Variants in PTPRO observed in about 807,000 individuals in gnomAD.
The protein encoded by PTPRO is receptor-type tyrosine-protein phosphatase O.
PTPRO carries 62 observed loss-of-function variants against 145.2 expected under a neutral mutation model. The ratio of observed to expected loss-of-function variants is 0.43; its 90% CI spans 0.35 to 0.53. The LOEUF is 0.53. Ranked by LOEUF, PTPRO falls within the 20% of genes least tolerant of loss-of-function variation. The pLI is 0.01. For missense variants in PTPRO, 1,345 were observed against 1,482.7 expected (o/e 0.91, Z 1.53); for synonymous variants, 565 against 514.7 (o/e 1.10, Z -1.32).
In PTPRO at chr12:15,502,022, C is replaced by T. The variant is rs1365918730; in HGVS notation, c.1064C>T (p.Pro355Leu). ...MILTWLPPKP[P>L]TAFDGFHIHI... ...TTGACCTGGTTACCACCCAAACCAC[C>T]CACTGCTTTTGATGGGTTCCATATC... Residue 355 changes from proline (P) to leucine (L), a missense_variant, in exon 5 of 27, where the codon CCC (proline) becomes CTC (leucine). By Grantham distance (98) the Pro-to-Leu change is moderately conservative. Around this residue, in one of 3 missense-constraint regions of PTPRO, gnomAD observed 1,130 missense variants for 1,214.7 expected, o/e 0.93. Coordinates refer to ENST00000281171, the MANE Select transcript of PTPRO (RefSeq NM_030667.3). 1 of 1,613,910 alleles carries T rather than the reference C, an allele frequency of 6.2e-7. No individual in the cohort carries two copies.
chr12:15,519,816 A>G (rs1475265736), intron 9 of PTPRO, among the ~76,000 whole-genome samples: 1 of 152,090 alleles, frequency 6.6e-6, no homozygotes, highest in East Asian at 1.9e-4. Flanking sequence ...ACTCTGAAGG[A>G]CTCCTGTTCG....
At chr12:15,332,893 A>G (rs1372223175) in intron 1 of PTPRO, among the ~76,000 whole-genome samples, 1 of 152,164 alleles carries the variant, frequency 6.6e-6, no homozygotes, top group East Asian at 1.9e-4. Flanking sequence ...CATGCATGTT[A>G]TGAATAACTG....
At chr12:15,377,305 A>T (rs1223052684) in intron 1 of PTPRO, among the ~76,000 whole-genome samples, 1 of 152,106 alleles carries the variant, frequency 6.6e-6, no homozygotes, top group Non-Finnish European at 1.5e-5. Context: ...TAAAAACTGT[A>T]GAGAAGAGCT....
At chr12:15,365,203 G>T (rs531636110) in intron 1 of PTPRO, among the ~76,000 whole-genome samples, 11 of 152,012 alleles carry the variant, frequency 7.2e-5, no homozygotes, top group Non-Finnish European at 1.5e-4. Flanking sequence ...CCTACATTCT[G>T]GGTGTCTGGA....
intron 1 of PTPRO, among the ~76,000 whole-genome samples, chr12:15,384,240 A>T (rs903008373): frequency 1.3e-5 from 2 of 152,136 alleles, no homozygotes; most frequent in Non-Finnish European, 2.9e-5. Context: ...TTTGATTTAC[A>T]ATGCTGATTT....
At chr12:15,482,632 C>A (rs1941803711) in intron 1 of PTPRO, among the ~76,000 whole-genome samples, 1 of 151,884 alleles carries the variant, frequency 6.6e-6, no homozygotes, top group Non-Finnish European at 1.5e-5. Flanking sequence ...ATCACAGGTA[C>A]CCCATAAAGA....
At chr12:15,437,905 C>G (rs769456456) in intron 1 of PTPRO, among the ~76,000 whole-genome samples, 6 of 152,176 alleles carry the variant, frequency 3.9e-5, no homozygotes, top group Non-Finnish European at 8.8e-5. Context: ...GCTCCTACCC[C>G]CACAGTGCTG....
rs78109129 is a variant in PTPRO at position 15,532,033 on chromosome 12, C to T, written c.2164+5771C>T. On this transcript the variant is annotated intron_variant, in intron 12 of 26. Coordinates refer to ENST00000281171, the MANE Select transcript of PTPRO (RefSeq NM_030667.3). ...TACTTTTAGAAAAATTTTAGAAAAT[C>T]TAAAAAACAAAAAATACGATCTTTC... 1.3e-3 allele frequency among the ~76,000 whole-genome samples: 205 copies of T among 152,086 alleles called. 2 individuals are homozygous for T. In the East Asian group the frequency reaches 0.038, roughly 28 times the overall value.
At chr12:15,576,583 T>C (rs1201998111) in intron 19 of PTPRO, among the ~76,000 whole-genome samples, 1 of 152,206 alleles carries the variant, frequency 6.6e-6, no homozygotes, top group African/African-American at 2.4e-5. Context: ...GGAAGAGTTG[T>C]TGGTCTGCTG....
chr12:15,505,562 T>A (rs1942304506), intron 6 of PTPRO, among the ~76,000 whole-genome samples: 1 of 152,182 alleles, frequency 6.6e-6, no homozygotes, highest in Non-Finnish European at 1.5e-5. Flanking sequence ...AAGTTTTGTT[T>A]TTTCTCTGTT....
chr12:15,583,059 CTT>C (rs1343171580), intron 23 of PTPRO, among the ~76,000 whole-genome samples: 3 of 152,216 alleles, frequency 2.0e-5, no homozygotes, highest in Non-Finnish European at 4.4e-5. Flanking sequence ...CTGAGATGTT[CTT>C]CCCTGCTTAG....
At chr12:15,452,704 A>G (rs375396220) in intron 1 of PTPRO, among the ~76,000 whole-genome samples, 3 of 152,214 alleles carry the variant, frequency 2.0e-5, no homozygotes, top group African/African-American at 7.2e-5. Context: ...TATACAAGTC[A>G]ATAAATGTTT....
At chr12:15,451,790 A>C (rs976656627) in intron 1 of PTPRO, among the ~76,000 whole-genome samples, 15 of 152,196 alleles carry the variant, frequency 9.9e-5, no homozygotes, top group Non-Finnish European at 4.4e-5. Flanking sequence ...CAATTATTTG[A>C]ACTGAACAAT....
intron 19 of PTPRO, 79 bp from the exon 20 acceptor site, chr12:15,578,774 G>A (rs1944242165): frequency 9.4e-7 from 1 of 1,063,884 alleles, no homozygotes; most frequent in East Asian, 2.5e-5. Flanking sequence ...CAAAGGGCTT[G>A]TGAGCAATAA....
chr12:15,406,164 A>G (rs1372210151), intron 1 of PTPRO, among the ~76,000 whole-genome samples: 3 of 152,200 alleles, frequency 2.0e-5, no homozygotes, highest in South Asian at 2.1e-4. Flanking sequence ...TCTTATAACC[A>G]TACTTCACTA....
At chr12:15,494,024 A>T (rs1222854726) in intron 2 of PTPRO, among the ~76,000 whole-genome samples, 1 of 152,228 alleles carries the variant, frequency 6.6e-6, no homozygotes, top group Non-Finnish European at 1.5e-5. Context: ...GATAATTTAC[A>T]TAATAATTTA....
intron 12 of PTPRO, among the ~76,000 whole-genome samples, chr12:15,528,289 G>GGT: frequency 6.6e-6 from 1 of 151,574 alleles, no homozygotes; most frequent in Non-Finnish European, 1.5e-5. Flanking sequence ...GGCCAAGGCG[G>GGT]GCAGATCACG....
At chr12:15,522,352 A>C (rs1942741209) in intron 10 of PTPRO, among the ~76,000 whole-genome samples, 1 of 151,832 alleles carries the variant, frequency 6.6e-6, no homozygotes, top group East Asian at 1.9e-4. Context: ...GCACCTATCA[A>C]CCTGTCATCT....
intron 1 of PTPRO, chr12:15,439,875 T>A: frequency 1.6e-6 from 1 of 643,302 alleles, no homozygotes; most frequent in Non-Finnish European, 2.8e-6. Flanking sequence ...CAGACCCACG[T>A]CGGCCAGCAC....
Sources: allele counts gnomAD v4.1 joint callset (sites outside exome capture counted in the v4.1 genomes callset), GRCh38; gene constraint gnomAD v4.1.1; regional missense constraint gnomAD v4.1.1; transcripts MANE v1.5; gene names NCBI Gene and HGNC (gene_info 2026-07-23, HGNC 2026-07-21).